The following GGNBP2 variants were observed in gnomAD, a reference collection of about 807,000 sequenced individuals.
The protein encoded by GGNBP2 is gametogenetin-binding protein 2.
GGNBP2 carries 10 observed loss-of-function variants against 85.9 expected under a neutral mutation model. The ratio of observed to expected loss-of-function variants is 0.12; its 90% confidence interval spans 0.07 to 0.20. The LOEUF (loss-of-function observed/expected upper bound fraction) is 0.20, where lower values mean the gene tolerates loss of function less well. Ranked by LOEUF, GGNBP2 falls within the 10% of genes least tolerant of loss-of-function variation. The pLI, the probability that GGNBP2 is intolerant of heterozygous loss-of-function variation, is 1.00. For synonymous variants in GGNBP2, 287 were observed against 285.7 expected (o/e 1.00, Z -0.05); for missense variants, 595 against 857.8 (o/e 0.69, Z 3.83).
rs573719806 is a variant in GGNBP2 at position 36,549,941 on chromosome 17, C to CT, written c.93+4137dup. Among the ~76,000 whole-genome samples the CT allele has an allele frequency of 6.6e-3, 951 of 143,512 alleles. 7 individuals carry two copies. The highest frequency in any genetic ancestry group is 0.011 in the African/African-American group (441 of 39,376). The allele number at this position is 143,512 out of a possible 152,430, so 94.1% of individuals were successfully genotyped here. On this transcript the variant is annotated intron_variant, in intron 2 of 13. Transcript: ENST00000613102. ...ATATTGTCAGATTGCTATGATATTTCTTTTTTTTTTTTTCGAGATGGAGTC... is the reference window on the plus strand; with the variant it reads ...ATATTGTCAGATTGCTATGATATTTCTTTTTTTTTTTTTTCGAGATGGAGTC...
chr17:36,576,591 A>ATGTGTGTGTGTGTGTG (rs1247489604), intron 6 of GGNBP2: 1 of 49,186 alleles, frequency 2.0e-5, no homozygotes, highest in African/African-American at 8.8e-5. Flanking sequence ...AAAAATATAT[A>ATGTGTGTGTGTGTGTG]TATATGTGTG....
At chr17:36,549,979 C>T (rs2074293330) in intron 2 of GGNBP2, among the ~76,000 whole-genome samples, 1 of 151,708 alleles carries the variant, frequency 6.6e-6, no homozygotes, top group Non-Finnish European at 1.5e-5. Context: ...ACTGTGTCAC[C>T]TAGGCTGGAG....
intron 7 of GGNBP2, chr17:36,578,513 G>A (rs571637159): frequency 4.8e-5 from 12 of 247,464 alleles, no homozygotes; most frequent in Non-Finnish European, 7.0e-5. Flanking sequence ...GCATTATCAT[G>A]TGTAAATTTT....
intron 2 of GGNBP2, among the ~76,000 whole-genome samples, chr17:36,548,359 A>G (rs573282426): frequency 6.6e-6 from 1 of 152,086 alleles, no homozygotes; most frequent in African/African-American, 2.4e-5. Flanking sequence ...TCACGCTTGT[A>G]ATCCCAGCAC....
intron 5 of GGNBP2, among the ~76,000 whole-genome samples, chr17:36,567,326 A>G (rs749797769): frequency 6.6e-6 from 1 of 152,190 alleles, no homozygotes; most frequent in African/African-American, 2.4e-5. Flanking sequence ...ATGTAATCAT[A>G]TAATTTGTAA....
chr17:36,552,201 G>A (rs2074316045), intron 2 of GGNBP2, among the ~76,000 whole-genome samples: 1 of 152,178 alleles, frequency 6.6e-6, no homozygotes, highest in East Asian at 1.9e-4. Flanking sequence ...GGCTCTAAAA[G>A]TTTATACCTT....
At chr17:36,574,642 CAGGGCGG>C in intron 6 of GGNBP2, 1 of 581,290 alleles carries the variant, frequency 1.7e-6, no homozygotes, top group South Asian at 2.1e-5. Flanking sequence ...TATAGTTACC[CAGGGCGG>C]CAGTGTAGCC....
intron 3 of GGNBP2, among the ~76,000 whole-genome samples, chr17:36,556,441 C>G (rs1469999433): frequency 1.3e-5 from 2 of 152,188 alleles, no homozygotes; most frequent in African/African-American, 4.8e-5. Context: ...CGTGGTGGCT[C>G]ACGCCTGTAA....
chr17:36,576,964 C>T (rs2074597385), intron 6 of GGNBP2: 1 of 152,116 alleles, frequency 6.6e-6, no homozygotes, highest in Non-Finnish European at 1.5e-5. Context: ...TGTCACTTTT[C>T]GATATGGGTC....
chr17:36,559,764 A>T (rs1215155514), intron 4 of GGNBP2, among the ~76,000 whole-genome samples: 1 of 152,134 alleles, frequency 6.6e-6, no homozygotes, highest in African/African-American at 2.4e-5. Context: ...TTGGACAGGG[A>T]TGATAATGGT....
intron 2 of GGNBP2, among the ~76,000 whole-genome samples, chr17:36,554,206 G>C (rs2074337876): frequency 6.6e-6 from 1 of 150,678 alleles, no homozygotes; most frequent in South Asian, 2.1e-4. Context: ...CTACTCGCGA[G>C]GCTGAGGCAG....
At chr17:36,552,633 A>G (rs964679882) in intron 2 of GGNBP2, among the ~76,000 whole-genome samples, 8 of 152,344 alleles carry the variant, frequency 5.3e-5, no homozygotes, top group African/African-American at 1.9e-4. Context: ...AACTAGAAAC[A>G]AGATGTCAGG....
At chr17:36,583,225 TGTA>T in intron 9 of GGNBP2, among the ~76,000 whole-genome samples, 1 of 151,800 alleles carries the variant, frequency 6.6e-6, no homozygotes, top group Non-Finnish European at 1.5e-5. Flanking sequence ...GGCTAATTTT[TGTA>T]TTTTTAGTAG....
In GGNBP2 at chr17:36,589,447, C is replaced by CA. The variant is rs2074736622; in HGVS notation, c.*37dup. 6.7e-7 allele frequency: 1 copy of CA among 1,489,328 alleles called. No homozygotes were observed. The highest frequency in any genetic ancestry group is 9.3e-7 in the Non-Finnish European group (1 of 1,070,932). 92.3% of individuals were successfully genotyped at this position (1,489,328 alleles called of 1,614,324 possible). A position where few individuals can be genotyped will look rare whatever the true frequency, so the allele number is the denominator to read the frequency against. ...TAGCTCTGTCTTTCAATGAAACACTCACGATGACTACTGCGCCTTCTCTTT... is the reference window on the plus strand; with the variant it reads ...TAGCTCTGTCTTTCAATGAAACACTCAACGATGACTACTGCGCCTTCTCTTT... On this transcript the variant is annotated 3_prime_UTR_variant, in exon 14 of 14. Coordinates refer to ENST00000613102, the MANE Select transcript of GGNBP2 (RefSeq NM_024835.5).
At chr17:36,586,287 G>A (rs1389231076) in intron 12 of GGNBP2, 89 bp downstream of exon 12, 19 of 1,476,134 alleles carry the variant, frequency 1.3e-5, no homozygotes, top group Non-Finnish European at 1.7e-5. Flanking sequence ...CAGCTTAGCT[G>A]CTAGGATTTA....
chr17:36,556,751 C>CTTTTTTTTT (rs10544073), intron 3 of GGNBP2, among the ~76,000 whole-genome samples: 7 of 52,852 alleles, frequency 1.3e-4, no homozygotes, highest in East Asian at 8.5e-4. Flanking sequence ...CTGTATTGTG[C>CTTTTTTTTT]TTTTTTTTTT....
chr17:36,580,403 G>T (rs1944186599), intron 8 of GGNBP2, among the ~76,000 whole-genome samples: 1 of 151,186 alleles, frequency 6.6e-6, no homozygotes, highest in Non-Finnish European at 1.5e-5. Context: ...TAGAGACAGG[G>T]TTTCACCATG....
intron 6 of GGNBP2, among the ~76,000 whole-genome samples, chr17:36,574,287 A>G (rs1440132244): frequency 6.6e-6 from 1 of 152,220 alleles, no homozygotes; most frequent in Non-Finnish European, 1.5e-5. Flanking sequence ...AAAAAATATA[A>G]ATAAAAATAT....
chr17:36,563,762 T>G (rs2142728544), intron 5 of GGNBP2, among the ~76,000 whole-genome samples: 1 of 151,392 alleles, frequency 6.6e-6, no homozygotes, highest in South Asian at 2.1e-4. Context: ...TTTTTTTTTT[T>G]GAGATGGAAT....
Sources: gnomAD v4.1 joint callset for allele counts (sites outside exome capture counted in the v4.1 genomes callset) on GRCh38, gnomAD v4.1.1 for gene constraint, MANE v1.5 for transcripts, NCBI Gene and HGNC (gene_info 2026-07-23, HGNC 2026-07-21) for gene names.